Variants in DUSP11 observed in about 807,000 individuals in gnomAD.
The protein encoded by DUSP11 is RNA/RNP complex-1-interacting phosphatase.
A neutral mutation model predicts 41.4 loss-of-function variants in DUSP11; 27 were observed. That is an observed-to-expected ratio of 0.65 (90% CI 0.48 to 0.90). The LOEUF is 0.90. Ranked by LOEUF, DUSP11 falls within the 40% of genes least tolerant of loss-of-function variation. The pLI is 0.00. For missense variants in DUSP11, 465 were observed against 461.1 expected, an observed-to-expected ratio of 1.01 and a Z score of -0.08; for synonymous variants, 188 against 159.3, an observed-to-expected ratio of 1.18 and a Z score of -1.35.
chr2:73,771,048 C>G (rs535009086), intron 4 of DUSP11, among the ~76,000 whole-genome samples: 2 of 152,266 alleles, frequency 1.3e-5, no homozygotes, highest in East Asian at 1.9e-4. Flanking sequence ...CATAAAGAGG[C>G]CTTCCTGATC....
intron 2 of DUSP11, among the ~76,000 whole-genome samples, chr2:73,775,770 C>T (rs1395680815): frequency 2.1e-5 from 3 of 145,796 alleles, no homozygotes; most frequent in East Asian, 2.1e-4. Context: ...AGGAGAATGG[C>T]GTGAACCCGG....
At chr2:73,769,893 A>T (rs1672539132) in intron 4 of DUSP11, among the ~76,000 whole-genome samples, 1 of 152,258 alleles carries the variant, frequency 6.6e-6, no homozygotes, top group South Asian at 2.1e-4. Flanking sequence ...GGCAAATAGT[A>T]CAAGACTAGA....
intron 1 of DUSP11, among the ~76,000 whole-genome samples, chr2:73,778,715 T>G (rs1466820819): frequency 6.6e-6 from 1 of 152,202 alleles, no homozygotes; most frequent in African/African-American, 2.4e-5. Context: ...TTCACTGAAA[T>G]AATTTAAATT....
intron 3 of DUSP11, 107 bp downstream of exon 3, chr2:73,774,806 T>A (rs894393171): frequency 1.8e-5 from 17 of 952,806 alleles, no homozygotes; most frequent in Non-Finnish European, 1.5e-6. Context: ...TTACTACCCA[T>A]CAAAGAAGGC....
Position 73,762,796 on chromosome 2 carries a change from TCCAGGGGGACCAGG to T in DUSP11, c.985_998del (p.Pro329ArgfsTer23), listed in dbSNP as rs1334305649. The T allele has an allele frequency of 1.2e-6, 2 of 1,612,362 alleles. No individual in the cohort carries two copies. The highest frequency in any genetic ancestry group is 3.4e-5 in the Admixed American group (2 of 59,600). On this transcript the variant is annotated frameshift_variant, in exon 9 of 9. Transcript: ENST00000272444. LOFTEE classifies it low-confidence loss of function (END_TRUNC). ...AATACCTCCTGTGTGAATAGTCCTC[TCCAGGGGGACCAGG>T]AGGAGGGAGATGGTGTCTCTGGTAA...
chr2:73,767,028 C>A, intron 6 of DUSP11, 125 bp from the exon 7 acceptor site: 1 of 1,242,524 alleles, frequency 8.0e-7, no homozygotes, highest in Non-Finnish European at 1.2e-6. Flanking sequence ...CATCTATAGA[C>A]TTTTGGCAAG....
chr2:73,779,996 A>G, exon 1 of DUSP11: 1 of 1,614,160 alleles, frequency 6.2e-7, no homozygotes. Context: ...GAAGCCGCCC[A>G]CCCAATGCCA....
In DUSP11 at chr2:73,780,110, G is replaced by T; in HGVS notation, c.6C>A (p.Arg2=). The T allele has an allele frequency of 6.4e-7, 1 of 1,557,982 alleles. No homozygotes were observed. The highest frequency in any genetic ancestry group is 1.2e-5 in the South Asian group (1 of 86,096). The change falls in exon 1 of 9, where the codon CGC becomes CGA. Residue 2 remains arginine (R), a synonymous_variant. Transcript: ENST00000272444. ...CGCCGCGCTCCAGCGTCTCGCTATT[G>T]CGCATGTGCCACCGCCGGTCGTGAT...
intron 3 of DUSP11, 80 bp downstream of exon 3, chr2:73,774,833 A>C: frequency 7.9e-7 from 1 of 1,265,600 alleles, no homozygotes; most frequent in Non-Finnish European, 1.1e-6. Context: ...TCACATTAGC[A>C]CAAGATGATT....
chr2:73,775,042 ACT>A lies in DUSP11; in HGVS notation c.319_320del (p.Ser107PhefsTer2). ...CTTCTGGAGCAAGTTTCTTTTCAAAACTCTGTCACAGAGAATGAAATAAGAGC... is the reference window on the plus strand; with the variant it reads ...CTTCTGGAGCAAGTTTCTTTTCAAAACTGTCACAGAGAATGAAATAAGAGC... On this transcript the variant is annotated frameshift_variant and splice_region_variant, in exon 3 of 9. Transcript: ENST00000272444. LOFTEE classifies it high-confidence loss of function. The A allele has an allele frequency of 6.2e-7, 1 of 1,609,038 alleles. No homozygotes were observed. Among genetic ancestry groups the A allele is most frequent in the Non-Finnish European group, 8.5e-7 (1 of 1,178,466 alleles).
intron 8 of DUSP11, among the ~76,000 whole-genome samples, chr2:73,765,918 C>T (rs1285267714): frequency 6.6e-6 from 1 of 152,168 alleles, no homozygotes; most frequent in Non-Finnish European, 1.5e-5. Flanking sequence ...CGAATTGCCT[C>T]TGAAAAGTCA....
intron 4 of DUSP11, among the ~76,000 whole-genome samples, chr2:73,771,357 C>G (rs1014884934): frequency 1.3e-5 from 2 of 152,238 alleles, no homozygotes; most frequent in African/African-American, 4.8e-5. Flanking sequence ...ATCCCCAAAA[C>G]TGGGCTGCCC....
Position 73,763,499 on chromosome 2 carries a change from G to A in DUSP11, c.936-640C>T, listed in dbSNP as rs956488101. ...AGCACTTTGGGAGGCCAAGGCGGGC[G>A]GATCACCTGAAGTCGGGAGTTCAAG... On this transcript the variant is annotated intron_variant, in intron 8 of 8. Transcript: ENST00000272444. 1.1e-4 allele frequency among the ~76,000 whole-genome samples: 17 copies of A among 152,236 alleles called. No homozygotes were observed. In the East Asian group the frequency reaches 1.9e-3, roughly 17 times the overall value.
chr2:73,778,307 CA>C lies in DUSP11; in HGVS notation c.311del (p.Leu104CysfsTer33). The C allele has an allele frequency of 6.4e-7, 1 of 1,570,968 alleles. No homozygotes were observed. Among genetic ancestry groups the C allele is most frequent in the Non-Finnish European group, 8.6e-7 (1 of 1,162,638 alleles). ...TGAATTAACTTTTGCTTACCTTTTG[CA>C]AAGGAACTTTGAAAGCAATGAAACG... On this transcript the variant is annotated frameshift_variant, in exon 2 of 9. Transcript: ENST00000272444. LOFTEE classifies it high-confidence loss of function.
In DUSP11 at chr2:73,768,479, A is replaced by T. The variant is rs572603929; in HGVS notation, c.635+786T>A. 32 of 985,458 alleles carry T rather than the reference A, an allele frequency of 3.2e-5. No individual in the cohort carries two copies. In the African/African-American group the frequency reaches 4.7e-4, roughly 14 times the overall value. The allele number at this position is 985,458 out of a possible 1,614,324, so 61.0% of individuals were successfully genotyped here. On this transcript the variant is annotated intron_variant, in intron 5 of 8. Coordinates refer to ENST00000272444, the Ensembl canonical transcript of DUSP11. Reference sequence around the variant, plus strand: ...GTACAGTGTGGCAACATCCATAAAAAGCATAACGACACATACTATTTGATT... The same window carrying T: ...GTACAGTGTGGCAACATCCATAAAATGCATAACGACACATACTATTTGATT...
exon 4 of DUSP11, chr2:73,773,862 T>C: frequency 1.9e-6 from 3 of 1,605,844 alleles, no homozygotes; most frequent in Non-Finnish European, 1.7e-6. Context: ...AATAGTCTCA[T>C]CATCAGGCAC....
intron 8 of DUSP11, among the ~76,000 whole-genome samples, chr2:73,765,283 A>C (rs1361919517): frequency 2.6e-5 from 4 of 152,032 alleles, no homozygotes; most frequent in African/African-American, 9.7e-5. Flanking sequence ...TTCTTCTCCT[A>C]CTCTTGGACA....
At chr2:73,766,338 T>G in intron 8 of DUSP11, 80 bp downstream of exon 8, 1 of 1,188,326 alleles carries the variant, frequency 8.4e-7, no homozygotes, top group Non-Finnish European at 1.2e-6. Flanking sequence ...GAATTCCTCA[T>G]CAGTATCATA....
At chr2:73,771,646 A>G (rs907575275) in intron 4 of DUSP11, among the ~76,000 whole-genome samples, 1 of 142,726 alleles carries the variant, frequency 7.0e-6, no homozygotes, top group African/African-American at 2.6e-5. Flanking sequence ...GGCGCCCGCC[A>G]CCATGCCTGG....
Sources: allele counts gnomAD v4.1 joint callset (sites outside exome capture counted in the v4.1 genomes callset), GRCh38; gene constraint gnomAD v4.1.1; transcripts MANE v1.5; gene names NCBI Gene and HGNC (gene_info 2026-07-23, HGNC 2026-07-21).